Variants in CELF5 observed in about 807,000 individuals in gnomAD.
CELF5 encodes the protein CUGBP Elav-like family member 5.
Under a neutral mutation model 54.9 loss-of-function variants are expected in CELF5, and 6 were observed. The observed-to-expected ratio is 0.11, with a 90% CI of 0.06 to 0.22. CELF5 has a LOEUF of 0.22. Among genes scored for constraint, CELF5 ranks in the 10% least tolerant of loss-of-function variants. The pLI, the probability that CELF5 is intolerant of heterozygous loss-of-function variation, is 1.00. For synonymous variants in CELF5, 271 were observed against 290.9 expected, an observed-to-expected ratio of 0.93 and a Z score of 0.70; for missense variants, 401 against 678.6, an observed-to-expected ratio of 0.59 and a Z score of 4.54.
intron 4 of CELF5, 98 bp from the exon 5 acceptor site, chr19:3,277,933 C>G (rs2080082744): frequency 1.2e-6 from 1 of 856,734 alleles, no homozygotes; most frequent in Non-Finnish European, 1.9e-6. Flanking sequence ...GTGTCTGACA[C>G]TGGCCATGTA....
chr19:3,282,305 G>T lies in CELF5; in HGVS notation c.892+38G>T. On this transcript the variant is annotated intron_variant, in intron 7 of 12. Coordinates refer to ENST00000292672, the MANE Select transcript of CELF5 (RefSeq NM_021938.4). This position sits in a 1 kb window ranked among gnomAD's most constrained non-coding sequence, Gnocchi z 5.2. ...CAGGCACCCAAGGATGGGTGGGCAGGGCTGGAGCCAGAACTGGCCTCCCCA... is the reference window on the plus strand; with the variant it reads ...CAGGCACCCAAGGATGGGTGGGCAGTGCTGGAGCCAGAACTGGCCTCCCCA... 1 of 1,609,118 alleles carries T rather than the reference G, an allele frequency of 6.2e-7. No homozygotes were observed. The highest frequency in any genetic ancestry group is 8.5e-7 in the Non-Finnish European group (1 of 1,179,906).
At chr19:3,286,646 T>A (rs1477437532) in intron 10 of CELF5, 1 of 143,014 alleles carries the variant, frequency 7.0e-6, no homozygotes, top group Non-Finnish European at 1.5e-5. Context: ...AGCAGGAGGA[T>A]CACTGAGCCC....
intron 1 of CELF5, among the ~76,000 whole-genome samples, chr19:3,238,070 T>C (rs1327243212): frequency 6.9e-6 from 1 of 144,314 alleles, no homozygotes; most frequent in East Asian, 2.1e-4. Flanking sequence ...AATATCTAAC[T>C]TGGCCGGGCG....
At chr19:3,261,700 A>G (rs1324665597) in intron 2 of CELF5, among the ~76,000 whole-genome samples, 6 of 152,120 alleles carry the variant, frequency 3.9e-5, no homozygotes, top group African/African-American at 1.4e-4. Flanking sequence ...ATGTACCTGT[A>G]GTCCCAACCA....
intron 9 of CELF5, 77 bp from the exon 10 acceptor site, chr19:3,285,865 C>A (rs1425594058): frequency 9.7e-7 from 1 of 1,032,172 alleles, no homozygotes; most frequent in South Asian, 1.8e-5. Flanking sequence ...GCCCCGCCCC[C>A]TCCCCGCCCA....
chr19:3,261,160 C>T (rs1331881968), intron 2 of CELF5, among the ~76,000 whole-genome samples: 1 of 152,076 alleles, frequency 6.6e-6, no homozygotes, highest in African/African-American at 2.4e-5. Context: ...TGGTTCATGC[C>T]TGTAATCCTA....
At chr19:3,288,015 C>T (rs182323864) in intron 10 of CELF5, among the ~76,000 whole-genome samples, 62 of 152,236 alleles carry the variant, frequency 4.1e-4, no homozygotes, top group African/African-American at 1.5e-3. Context: ...AGCATGACCC[C>T]GGATGGGGAA....
At chr19:3,293,606 A>G (rs2080388197) in intron 12 of CELF5, 120 bp downstream of exon 12, 3 of 844,102 alleles carry the variant, frequency 3.6e-6, no homozygotes, top group Non-Finnish European at 3.6e-6. Flanking sequence ...AGAGGCTACA[A>G]GAAACCTCCG....
At position 3,251,672 on chromosome 19, in the gene CELF5, T is replaced by TTG. The variant is rs1555720290; in HGVS notation, c.342+606_342+607insGT. On this transcript the variant is annotated intron_variant, in intron 2 of 12. Coordinates refer to ENST00000292672, the MANE Select transcript of CELF5 (RefSeq NM_021938.4). ...GGCTTCTTTTTTTTTTTTTTTTTTT[T>TTG]TTGTTGTTGTTGTTGTTGTTGAGAT... 1.9e-3 allele frequency among the ~76,000 whole-genome samples: 231 copies of TTG among 121,344 alleles called. 1 individual carries two copies. The highest frequency in any genetic ancestry group is 3.0e-3 in the Non-Finnish European group (173 of 57,966). 79.6% of individuals were successfully genotyped at this position (121,344 alleles called of 152,430 possible).
intron 2 of CELF5, among the ~76,000 whole-genome samples, chr19:3,258,476 G>T (rs1193901448): frequency 6.6e-6 from 1 of 151,908 alleles, no homozygotes; most frequent in African/African-American, 2.4e-5. Context: ...TTGGATTTAG[G>T]GCTCAGCCTA....
In CELF5 at chr19:3,293,448, C is replaced by T. The variant is rs766629258; in HGVS notation, c.*2C>T. The T allele has an allele frequency of 9.9e-6, 16 of 1,613,912 alleles. No individual in the cohort carries two copies. The highest frequency in any genetic ancestry group is 7.7e-5 in the South Asian group (7 of 91,062). Reference sequence around the variant, plus strand: ...AAAGACCCGGGACACCCCTACTGACCGCGCCCACAGCCGCCCTGAGGCTGT... The same window carrying T: ...AAAGACCCGGGACACCCCTACTGACTGCGCCCACAGCCGCCCTGAGGCTGT... On this transcript the variant is annotated 3_prime_UTR_variant, in exon 12 of 13. Coordinates refer to ENST00000292672, the MANE Select transcript of CELF5 (RefSeq NM_021938.4).
chr19:3,280,597 G>A (rs906354104), intron 5 of CELF5, among the ~76,000 whole-genome samples: 2 of 151,966 alleles, frequency 1.3e-5, no homozygotes, highest in Non-Finnish European at 2.9e-5. Flanking sequence ...AAAAAAATCC[G>A]GGTCCGAACT....
chr19:3,224,676 C>A lies in CELF5; in HGVS notation c.-64C>A, dbSNP rs2144945145. 4 of 986,308 alleles carry A rather than the reference C, an allele frequency of 4.1e-6. No individual in the cohort carries two copies. The highest frequency in any genetic ancestry group is 1.8e-5 in the African/African-American group (1 of 56,828). The allele number at this position is 986,308 out of a possible 1,614,324, so 61.1% of individuals were successfully genotyped here. On this transcript the variant is annotated 5_prime_UTR_variant, in exon 1 of 13. Transcript: ENST00000292672. ...GGAGGGAGGCGGGAGGCGCGGCCGC[C>A]GCTCCAGCTGCGAGTCCGCCCGCCG...
chr19:3,239,867 C>T lies in CELF5; in HGVS notation c.260-11118C>T, dbSNP rs371929026. Among the ~76,000 whole-genome samples, 47 of 152,190 alleles carry T rather than the reference C, an allele frequency of 3.1e-4. No individual in the cohort carries two copies. In the East Asian group the frequency reaches 4.5e-3, roughly 14 times the overall value. ...GTGCTGGCCCCAGGAGGCTCTTTCC[C>T]GCACACACCTCTGACTATGCCCAAC... On this transcript the variant is annotated intron_variant, in intron 1 of 12. Transcript: ENST00000292672.
intron 1 of CELF5, among the ~76,000 whole-genome samples, chr19:3,240,393 T>A (rs2079475299): frequency 6.6e-6 from 1 of 151,800 alleles, no homozygotes. Flanking sequence ...TGGCATAATC[T>A]CAACTCACTG....
intron 1 of CELF5, among the ~76,000 whole-genome samples, chr19:3,226,596 C>A (rs1259315096): frequency 1.3e-5 from 2 of 152,088 alleles, no homozygotes; most frequent in African/African-American, 4.8e-5. Flanking sequence ...TTCCCACACG[C>A]CCCCACCCCT....
intron 1 of CELF5, among the ~76,000 whole-genome samples, chr19:3,226,302 A>AATGG (rs1288477934): frequency 1.3e-5 from 2 of 149,368 alleles, no homozygotes; most frequent in Non-Finnish European, 3.0e-5. Flanking sequence ...TGAATGAATG[A>AATGG]AGGGGTTCAA....
At position 3,278,590 on chromosome 19, in the gene CELF5, CTA is replaced by C. The variant is rs1319232452; in HGVS notation, c.603+482_603+483del. Among the ~76,000 whole-genome samples the C allele has an allele frequency of 3.3e-5, 5 of 151,474 alleles. No homozygotes were observed. The highest frequency in any genetic ancestry group is 1.2e-4 in the African/African-American group (5 of 41,184). On this transcript the variant is annotated intron_variant, in intron 5 of 12. Coordinates refer to ENST00000292672, the MANE Select transcript of CELF5 (RefSeq NM_021938.4). The surrounding 1 kb of genome is among the most constrained non-coding windows in gnomAD (Gnocchi z 4.5). ...TGTATGAGAGTGTACATGTGTGTTT[CTA>C]TGTGTGTGAGCGTGTGTGTGAGTAT...
At chr19:3,287,034 C>CAAAAAAAAA (rs55661552) in intron 10 of CELF5, among the ~76,000 whole-genome samples, 1 of 103,552 alleles carries the variant, frequency 9.7e-6, no homozygotes, top group Non-Finnish European at 1.9e-5. Context: ...GACTCCGTCT[C>CAAAAAAAAA]AAAAAAAAAA....
Sources: gnomAD v4.1 joint callset for allele counts (sites outside exome capture counted in the v4.1 genomes callset) on GRCh38, gnomAD v4.1.1 for gene constraint, Gnocchi (gnomAD v3.1) non-coding constraint, MANE v1.5 for transcripts, NCBI Gene and HGNC (gene_info 2026-07-23, HGNC 2026-07-21) for gene names.